Variants in GRID2 observed in about 807,000 individuals in gnomAD.
GRID2 encodes the protein glutamate receptor ionotropic, delta-2.
Under a neutral mutation model 114.8 loss-of-function variants are expected in GRID2, and 33 were observed. That is an observed-to-expected ratio of 0.29 (90% CI 0.22 to 0.38). The LOEUF (loss-of-function observed/expected upper bound fraction) is 0.38, where lower values mean the gene tolerates loss of function less well. Ranked by LOEUF, GRID2 falls within the 10% of genes least tolerant of loss-of-function variation. The pLI is 1.00. For missense variants in GRID2, 1,184 were observed against 1,257.7 expected (o/e 0.94, Z 0.89); for synonymous variants, 505 against 449.9 (o/e 1.12, Z -1.55).
At chr4:92,907,962 G>T (rs1748085559) in intron 2 of GRID2, among the ~76,000 whole-genome samples, 1 of 152,058 alleles carries the variant, frequency 6.6e-6, no homozygotes, top group African/African-American at 2.4e-5. Flanking sequence ...GGCAGAGGTT[G>T]CAGTGAGCCG....
chr4:92,932,070 A>T (rs1361990545), intron 2 of GRID2, among the ~76,000 whole-genome samples: 1 of 151,324 alleles, frequency 6.6e-6, no homozygotes, highest in African/African-American at 2.4e-5. Flanking sequence ...AGCATCAAGC[A>T]TGAAAAAATT....
chr4:92,518,063 A>G (rs921398881), intron 1 of GRID2, among the ~76,000 whole-genome samples: 9 of 151,664 alleles, frequency 5.9e-5, no homozygotes, highest in Non-Finnish European at 8.8e-5. Flanking sequence ...TTCCCCACCC[A>G]TACCCCATTT....
chr4:93,499,979 T>A (rs79838387), intron 12 of GRID2, among the ~76,000 whole-genome samples: 2 of 151,968 alleles, frequency 1.3e-5, no homozygotes, highest in Non-Finnish European at 1.5e-5. Flanking sequence ...TAAACCTTTA[T>A]TGTATGAAAT....
At chr4:93,692,786 G>A (rs1177010584) in intron 14 of GRID2, among the ~76,000 whole-genome samples, 1 of 152,054 alleles carries the variant, frequency 6.6e-6, no homozygotes, top group Non-Finnish European at 1.5e-5. Flanking sequence ...TTTCTTCATT[G>A]ACTGAAGGAA....
Position 93,632,452 on chromosome 4 carries a change from A to G in GRID2, c.2360+6017A>G, listed in dbSNP as rs111359414. 6.3e-3 allele frequency among the ~76,000 whole-genome samples: 961 copies of G among 152,320 alleles called. 13 individuals carry two copies. The highest frequency in any genetic ancestry group is 0.021 in the African/African-American group (890 of 41,566). ...TTCCATATGGCTAACCAGTTTTCCC[A>G]GCACCATTTATTAAATAGGGAATCC... On this transcript the variant is annotated intron_variant, in intron 14 of 15. Transcript: ENST00000282020.
chr4:93,416,200 A>T (rs1417397065), intron 9 of GRID2, among the ~76,000 whole-genome samples: 1 of 151,916 alleles, frequency 6.6e-6, no homozygotes. Context: ...CTTTTAACAA[A>T]TTCCATACCA....
intron 1 of GRID2, among the ~76,000 whole-genome samples, chr4:92,497,109 G>A (rs1434980245): frequency 6.6e-6 from 1 of 151,664 alleles, no homozygotes; most frequent in Non-Finnish European, 1.5e-5. Context: ...AGTTTGGAGA[G>A]TGGGAAATGA....
intron 1 of GRID2, among the ~76,000 whole-genome samples, chr4:92,356,564 C>T (rs1411599714): frequency 1.3e-5 from 2 of 151,510 alleles, no homozygotes; most frequent in African/African-American, 4.8e-5. Flanking sequence ...TAGATAAATA[C>T]TCTGTACTTG....
At chr4:92,443,786 C>T (rs13148487) in intron 1 of GRID2, among the ~76,000 whole-genome samples, 2,951 of 152,276 alleles carry the variant, frequency 0.019, 35 homozygotes, top group Middle Eastern at 0.034. Flanking sequence ...CCAAGGCAGG[C>T]GTCCCTGCGT....
At chr4:93,332,289 T>TGAGAGAGAGAGA (rs1242670317) in intron 8 of GRID2, among the ~76,000 whole-genome samples, 1 of 110,714 alleles carries the variant, frequency 9.0e-6, no homozygotes, top group African/African-American at 5.1e-5. Context: ...TGTGTGTGTG[T>TGAGAGAGAGAGA]GTGTGTGTGT....
chr4:92,429,415 A>G (rs1732327210), intron 1 of GRID2, among the ~76,000 whole-genome samples: 1 of 152,130 alleles, frequency 6.6e-6, no homozygotes, highest in Admixed American at 6.5e-5. Flanking sequence ...TGTCATTGCA[A>G]ATGACAAGAA....
At chr4:92,697,846 A>G (rs10516911) in intron 2 of GRID2, among the ~76,000 whole-genome samples, 10,717 of 152,194 alleles carry the variant, frequency 0.07, 428 homozygotes, top group East Asian at 0.088. Context: ...AAACAAAACC[A>G]TCAATGGAGT....
intron 2 of GRID2, among the ~76,000 whole-genome samples, chr4:93,071,216 A>G (rs568393556): frequency 6.6e-6 from 1 of 152,236 alleles, no homozygotes; most frequent in South Asian, 2.1e-4. Context: ...TCTGAGTAAC[A>G]TAAAATGAGC....
intron 1 of GRID2, among the ~76,000 whole-genome samples, chr4:92,349,272 G>T (rs1248130069): frequency 6.6e-6 from 1 of 151,868 alleles, no homozygotes; most frequent in Non-Finnish European, 1.5e-5. Context: ...AAGCAGAATG[G>T]ACTAAAAATG....
intron 1 of GRID2, among the ~76,000 whole-genome samples, chr4:92,461,726 A>G (rs1264863811): frequency 6.6e-6 from 1 of 151,952 alleles, no homozygotes; most frequent in Non-Finnish European, 1.5e-5. Context: ...AATCTGGCAT[A>G]TGGTTACAAA....
At chr4:93,514,688 T>C (rs1729533575) in intron 12 of GRID2, among the ~76,000 whole-genome samples, 1 of 152,158 alleles carries the variant, frequency 6.6e-6, no homozygotes, top group Non-Finnish European at 1.5e-5. Flanking sequence ...GGATAATGTA[T>C]ATCAATTGTC....
intron 9 of GRID2, among the ~76,000 whole-genome samples, chr4:93,404,209 G>A (rs930740735): frequency 7.9e-5 from 12 of 152,074 alleles, no homozygotes; most frequent in African/African-American, 1.7e-4. Flanking sequence ...AAAGTAATTC[G>A]TGATTGCCTA....
intron 3 of GRID2, among the ~76,000 whole-genome samples, chr4:93,094,956 T>A (rs1267631844): frequency 2.0e-5 from 3 of 151,618 alleles, no homozygotes; most frequent in Non-Finnish European, 4.4e-5. Context: ...TAGCAAGAAA[T>A]TAAACTTCTA....
At chr4:93,070,179 G>C (rs993639453) in intron 2 of GRID2, among the ~76,000 whole-genome samples, 2 of 152,088 alleles carry the variant, frequency 1.3e-5, no homozygotes, top group African/African-American at 4.8e-5. Flanking sequence ...ACATGACTGA[G>C]TGAAAAGCTG....
Sources: gnomAD v4.1 joint callset for allele counts (sites outside exome capture counted in the v4.1 genomes callset) on GRCh38, gnomAD v4.1.1 for gene constraint, MANE v1.5 for transcripts, NCBI Gene and HGNC (gene_info 2026-07-23, HGNC 2026-07-21) for gene names.